The following SLC10A7 variants were observed in gnomAD, a reference collection of about 807,000 sequenced individuals.
SLC10A7 encodes solute carrier family 10 member 7.
Under a neutral mutation model 43.2 loss-of-function variants are expected in SLC10A7, and 29 were observed. The ratio of observed to expected loss-of-function variants is 0.67; its 90% confidence interval spans 0.50 to 0.92. SLC10A7 has a LOEUF of 0.92. Ranked by LOEUF, SLC10A7 falls within the 40% of genes least tolerant of loss-of-function variation. The pLI is 0.00. For synonymous variants in SLC10A7, 152 were observed against 144.8 expected (o/e 1.05, Z -0.35); for missense variants, 295 against 403.2 (o/e 0.73, Z 2.30).
chr4:146,338,952 T>C lies in SLC10A7; in HGVS notation c.436-12956A>G, dbSNP rs560700655. Reference sequence around the variant, plus strand: ...GGCCCATGAATTACCAACAAGACTATGGGAGAACATTTTTGAAAAAGCAAG... The same window carrying C: ...GGCCCATGAATTACCAACAAGACTACGGGAGAACATTTTTGAAAAAGCAAG... On this transcript the variant is annotated intron_variant, in intron 5 of 11. Transcript: ENST00000335472. 3.3e-5 allele frequency among the ~76,000 whole-genome samples: 5 copies of C among 151,958 alleles called. No homozygotes were observed. The South Asian group carries it at 8.3e-4, about 25-fold the overall frequency.
intron 2 of SLC10A7, among the ~76,000 whole-genome samples, chr4:146,512,725 C>T (rs989043632): frequency 5.9e-5 from 9 of 152,198 alleles, no homozygotes; most frequent in Non-Finnish European, 1.2e-4. Context: ...ACTTAAACTA[C>T]ATATATCATT....
chr4:146,331,629 T>C (rs1011451941), intron 5 of SLC10A7, among the ~76,000 whole-genome samples: 1 of 152,346 alleles, frequency 6.6e-6, no homozygotes, highest in Middle Eastern at 3.4e-3. Context: ...TCATTCTGTA[T>C]GTATAAGAAA....
intron 5 of SLC10A7, among the ~76,000 whole-genome samples, chr4:146,434,168 T>C (rs1369124146): frequency 1.3e-5 from 2 of 152,162 alleles, no homozygotes; most frequent in Non-Finnish European, 2.9e-5. Flanking sequence ...AATAAGATTG[T>C]CTATACAACG....
intron 1 of SLC10A7, among the ~76,000 whole-genome samples, chr4:146,519,109 ATAT>A (rs1560991841): frequency 0.18 from 5,270 of 29,420 alleles, 684 homozygotes; most frequent in East Asian, 0.3. Flanking sequence ...ATATATATAT[ATAT>A]AATATAATAT....
At chr4:146,516,345 T>C (rs1038277701) in intron 2 of SLC10A7, among the ~76,000 whole-genome samples, 1 of 151,750 alleles carries the variant, frequency 6.6e-6, no homozygotes, top group African/African-American at 2.4e-5. Context: ...GAGAATCTCA[T>C]GTTCAGTGAA....
At chr4:146,274,457 G>GC (rs1009808102) in intron 10 of SLC10A7, among the ~76,000 whole-genome samples, 2 of 151,968 alleles carry the variant, frequency 1.3e-5, no homozygotes, top group African/African-American at 4.8e-5. Context: ...ACCAGCCTCC[G>GC]CCCCCCAAAG....
At chr4:146,414,721 TAAA>T (rs111567819) in intron 5 of SLC10A7, among the ~76,000 whole-genome samples, 1 of 141,672 alleles carries the variant, frequency 7.1e-6, no homozygotes. Flanking sequence ...AGACTCCATC[TAAA>T]AAAAAAAAAA....
chr4:146,470,097 C>G (rs559771781), intron 4 of SLC10A7, among the ~76,000 whole-genome samples: 2 of 152,262 alleles, frequency 1.3e-5, no homozygotes, highest in Non-Finnish European at 2.9e-5. Flanking sequence ...GTTCTGACAA[C>G]AGGCAGCATA....
chr4:146,420,790 T>C (rs901867312), intron 5 of SLC10A7, among the ~76,000 whole-genome samples: 10 of 152,030 alleles, frequency 6.6e-5, no homozygotes, highest in African/African-American at 2.4e-4. Context: ...TTTGAGGGGC[T>C]CAGGCAGGAG....
chr4:146,357,320 C>A (rs72952508), intron 5 of SLC10A7, among the ~76,000 whole-genome samples: 1,669 of 152,180 alleles, frequency 0.011, 25 homozygotes, highest in African/African-American at 0.038. Flanking sequence ...TTTTTGCACA[C>A]GGGAATGTGT....
intron 2 of SLC10A7, among the ~76,000 whole-genome samples, chr4:146,513,265 AAT>A (rs1292233739): frequency 6.6e-6 from 1 of 151,926 alleles, no homozygotes; most frequent in East Asian, 1.9e-4. Flanking sequence ...AAATATAAAT[AAT>A]ATTAAATTAC....
chr4:146,270,770 T>C (rs748415757), intron 10 of SLC10A7, among the ~76,000 whole-genome samples: 1 of 152,206 alleles, frequency 6.6e-6, no homozygotes, highest in Non-Finnish European at 1.5e-5. Flanking sequence ...CTTGGTTTTC[T>C]AGTTTGGACA....
chr4:146,384,731 G>A (rs970278266), intron 5 of SLC10A7, among the ~76,000 whole-genome samples: 2 of 151,974 alleles, frequency 1.3e-5, no homozygotes, highest in African/African-American at 4.8e-5. Flanking sequence ...CAAATCTTAT[G>A]TTAAAATATA....
intron 10 of SLC10A7, among the ~76,000 whole-genome samples, chr4:146,280,751 T>C (rs1272124092): frequency 6.6e-6 from 1 of 152,132 alleles, no homozygotes; most frequent in Non-Finnish European, 1.5e-5. Context: ...AGCGGTGATC[T>C]GTCTGAGATA....
chr4:146,291,324 TCTTA>T (rs1216344026), intron 9 of SLC10A7, among the ~76,000 whole-genome samples: 11 of 152,338 alleles, frequency 7.2e-5, no homozygotes, highest in Non-Finnish European at 1.3e-4. Flanking sequence ...CAGGCTTTAC[TCTTA>T]CTTCATAAAT....
At chr4:146,257,965 T>A (rs966991104) in intron 11 of SLC10A7, among the ~76,000 whole-genome samples, 3 of 152,220 alleles carry the variant, frequency 2.0e-5, no homozygotes, top group African/African-American at 7.2e-5. Flanking sequence ...CATCTCCTGA[T>A]AACAGTCACT....
chr4:146,520,214 G>C (rs1738492837), intron 1 of SLC10A7, among the ~76,000 whole-genome samples: 2 of 152,200 alleles, frequency 1.3e-5, no homozygotes, highest in Admixed American at 1.3e-4. Flanking sequence ...AGTGAAGTGT[G>C]CATTGCAGAT....
At chr4:146,280,722 C>G (rs1192524749) in intron 10 of SLC10A7, among the ~76,000 whole-genome samples, 1 of 152,086 alleles carries the variant, frequency 6.6e-6, no homozygotes, top group East Asian at 1.9e-4. Context: ...CTAAACATCC[C>G]TTGCTGTATG....
intron 11 of SLC10A7, among the ~76,000 whole-genome samples, chr4:146,258,320 G>A (rs770286940): frequency 1.6e-4 from 24 of 152,198 alleles, no homozygotes; most frequent in Admixed American, 4.6e-4. Context: ...GGAAAGGCAT[G>A]TGAAGTAAGA....
Sources: gnomAD v4.1 joint callset for allele counts (sites outside exome capture counted in the v4.1 genomes callset) on GRCh38, gnomAD v4.1.1 for gene constraint, MANE v1.5 for transcripts, NCBI Gene and HGNC (gene_info 2026-07-23, HGNC 2026-07-21) for gene names.